The following AK8 variants were observed in gnomAD, a reference collection of about 807,000 sequenced individuals.
The protein encoded by AK8 is ATP-AMP transphosphorylase 8.
AK8 carries 44 observed loss-of-function variants against 54.6 expected under a neutral mutation model. The ratio of observed to expected loss-of-function variants is 0.81; its 90% CI spans 0.63 to 1.04. The LOEUF (loss-of-function observed/expected upper bound fraction) is 1.04, where lower values mean the gene tolerates loss of function less well. Among genes scored for constraint, AK8 ranks in the 50% least tolerant of loss-of-function variants. The pLI, the probability that AK8 is intolerant of heterozygous loss-of-function variation, is 0.00. For missense variants in AK8, 555 were observed against 613.6 expected (o/e 0.90, Z 1.01); for synonymous variants, 239 against 245.6 (o/e 0.97, Z 0.25).
intron 11 of AK8, among the ~76,000 whole-genome samples, chr9:132,750,724 AGCTCCCTTAG>A (rs1295815604): frequency 6.6e-6 from 1 of 151,974 alleles, no homozygotes; most frequent in Admixed American, 6.6e-5. Context: ...TTCAGAGAGA[AGCTCCCTTAG>A]GCTCCCTCCC....
At chr9:132,819,887 T>A (rs1165612076) in intron 9 of AK8, among the ~76,000 whole-genome samples, 1 of 152,050 alleles carries the variant, frequency 6.6e-6, no homozygotes, top group Non-Finnish European at 1.5e-5. Context: ...CAAGGTGTAT[T>A]CTAAATAGTA....
intron 11 of AK8, among the ~76,000 whole-genome samples, chr9:132,783,350 C>T (rs1477435274): frequency 1.3e-5 from 2 of 152,120 alleles, no homozygotes; most frequent in Non-Finnish European, 2.9e-5. Flanking sequence ...CTGGCAGTGC[C>T]ATGATTTTTA....
At chr9:132,852,629 G>A (rs1843009267) in intron 5 of AK8, among the ~76,000 whole-genome samples, 3 of 149,798 alleles carry the variant, frequency 2.0e-5, no homozygotes, top group Non-Finnish European at 4.5e-5. Context: ...AAAAAATTAG[G>A]CACGGTGGTG....
chr9:132,802,283 T>C (rs1840496027), intron 10 of AK8, among the ~76,000 whole-genome samples: 1 of 152,080 alleles, frequency 6.6e-6, no homozygotes. Context: ...AGATTAAAGA[T>C]GGCCACGCCT....
At chr9:132,869,860 AG>A (rs57916433) in intron 2 of AK8, among the ~76,000 whole-genome samples, 30,730 of 152,046 alleles carry the variant, frequency 0.2, 3,395 homozygotes, top group East Asian at 0.44. Context: ...CACGAGGCAG[AG>A]GGCTCGTGTG....
chr9:132,795,518 G>C (rs746833890), intron 10 of AK8, among the ~76,000 whole-genome samples: 1 of 152,190 alleles, frequency 6.6e-6, no homozygotes, highest in South Asian at 2.1e-4. Flanking sequence ...ATCTGCCATA[G>C]AGCCTTCCAG....
At chr9:132,771,788 G>A (rs1218633456) in intron 11 of AK8, among the ~76,000 whole-genome samples, 1 of 152,054 alleles carries the variant, frequency 6.6e-6, no homozygotes, top group African/African-American at 2.4e-5. Context: ...TCCTTTCAGA[G>A]CCTGTGTATC....
chr9:132,752,617 G>A (rs148821895), intron 11 of AK8, among the ~76,000 whole-genome samples: 1,738 of 151,720 alleles, frequency 0.011, 38 homozygotes, highest in African/African-American at 0.04. Context: ...AACCACCTTC[G>A]CCACACCCTG....
intron 11 of AK8, among the ~76,000 whole-genome samples, chr9:132,730,328 A>T (rs1196115323): frequency 2.0e-5 from 3 of 152,174 alleles, no homozygotes; most frequent in African/African-American, 7.2e-5. Context: ...TGCTCTGTCC[A>T]GAGCAATAAC....
rs1286409999 is a variant in AK8, at chr9:132,878,092, G to A, written c.84+80C>T. On this transcript the variant is annotated intron_variant, in intron 1 of 12. Coordinates refer to ENST00000298545, the MANE Select transcript of AK8 (RefSeq NM_152572.3). This position sits in a 1 kb window ranked among gnomAD's most constrained non-coding sequence, Gnocchi z 4.7. ...GCGCGCGACTCGGCCCCAGCTGCGG[G>A]TCCCGGCCGCGCACCCGACGTCGCA... 4 of 1,536,572 alleles carry A rather than the reference G, an allele frequency of 2.6e-6. No homozygotes were observed. The highest frequency in any genetic ancestry group is 2.5e-5 in the East Asian group (1 of 40,750).
At chr9:132,817,062 C>G (rs1178186098) in intron 9 of AK8, among the ~76,000 whole-genome samples, 1 of 152,204 alleles carries the variant, frequency 6.6e-6, no homozygotes, top group Non-Finnish European at 1.5e-5. Context: ...GAAATTCACA[C>G]AGGGCTGGGA....
At chr9:132,814,811 G>T in intron 9 of AK8, 84 bp from the exon 10 acceptor site, 2 of 1,183,046 alleles carry the variant, frequency 1.7e-6, no homozygotes, top group Non-Finnish European at 2.4e-6. Flanking sequence ...AGTGCTGCCT[G>T]CTGAGGGAAA....
intron 9 of AK8, among the ~76,000 whole-genome samples, chr9:132,820,060 C>T (rs1001591893): frequency 3.6e-5 from 5 of 140,214 alleles, no homozygotes; most frequent in East Asian, 2.3e-4. Flanking sequence ...GAGGCTGAGG[C>T]GGGAGGATCA....
At chr9:132,792,490 A>C in intron 11 of AK8, 144 bp downstream of exon 11, 1 of 1,203,134 alleles carries the variant, frequency 8.3e-7, no homozygotes, top group African/African-American at 1.5e-5. Context: ...GGCAGATGGG[A>C]TGGGTGGGAA....
Position 132,803,556 on chromosome 9 carries a change from C to T in AK8, c.980-10781G>A, listed in dbSNP as rs2131210568. On this transcript the variant is annotated intron_variant, in intron 10 of 12. Coordinates refer to ENST00000298545, the MANE Select transcript of AK8 (RefSeq NM_152572.3). The surrounding 1 kb of genome is among the most constrained non-coding windows in gnomAD (Gnocchi z 4.4). ...TAATTAGTGAATTACAGACACAATT[C>T]CCTTTATATAGAGCAAGCCAACAAA... Among the ~76,000 whole-genome samples, 1 of 152,200 alleles carries T rather than the reference C, an allele frequency of 6.6e-6. No homozygotes were observed. Among genetic ancestry groups the T allele is most frequent in the East Asian group, 1.9e-4 (1 of 5,174 alleles).
chr9:132,862,016 C>T (rs555419087), intron 4 of AK8, among the ~76,000 whole-genome samples: 5 of 152,318 alleles, frequency 3.3e-5, no homozygotes, highest in East Asian at 3.9e-4. Context: ...AAACTCCCTC[C>T]TCTCTGTTGA....
chr9:132,784,405 G>C (rs1353377393), intron 11 of AK8, among the ~76,000 whole-genome samples: 1 of 152,184 alleles, frequency 6.6e-6, no homozygotes. Context: ...TGTAATCCCA[G>C]CTACTCAGGA....
chr9:132,853,245 C>T (rs1187313010), intron 5 of AK8, among the ~76,000 whole-genome samples: 1 of 151,134 alleles, frequency 6.6e-6, no homozygotes, highest in Non-Finnish European at 1.5e-5. Flanking sequence ...GTAATCCCAG[C>T]TACTCAGGAG....
intron 2 of AK8, among the ~76,000 whole-genome samples, chr9:132,873,170 C>A (rs375969185): frequency 6.6e-6 from 1 of 152,154 alleles, no homozygotes; most frequent in East Asian, 1.9e-4. Flanking sequence ...CTGGCAAGCA[C>A]AATTTTTAAT....
Sources: gnomAD v4.1 joint callset for allele counts (sites outside exome capture counted in the v4.1 genomes callset) on GRCh38, gnomAD v4.1.1 for gene constraint, Gnocchi (gnomAD v3.1) non-coding constraint, MANE v1.5 for transcripts, NCBI Gene and HGNC (gene_info 2026-07-23, HGNC 2026-07-21) for gene names.